CAAP1: variants seen among roughly 807,000 people sequenced by gnomAD.
CAAP1 encodes the protein caspase activity and apoptosis inhibitor 1.
Under a neutral mutation model 34.0 loss-of-function variants are expected in CAAP1, and 20 were observed. That is an observed-to-expected ratio of 0.59 (90% CI 0.41 to 0.86). CAAP1 has a LOEUF of 0.86. Ranked by LOEUF, CAAP1 falls within the 40% of genes least tolerant of loss-of-function variation. CAAP1 has a pLI of 0.00. For missense variants in CAAP1, 538 were observed against 450.5 expected, an observed-to-expected ratio of 1.19 and a Z score of -1.76; for synonymous variants, 213 against 166.7, an observed-to-expected ratio of 1.28 and a Z score of -2.14.
At chr9:26,868,014 A>T (rs930679299) in intron 4 of CAAP1, among the ~76,000 whole-genome samples, 2 of 152,044 alleles carry the variant, frequency 1.3e-5, no homozygotes, top group Non-Finnish European at 2.9e-5. Context: ...AAAGGTTTTT[A>T]TCTTTATTTT....
intron 4 of CAAP1, among the ~76,000 whole-genome samples, chr9:26,875,970 T>G (rs1823419097): frequency 6.6e-6 from 1 of 152,226 alleles, no homozygotes; most frequent in Non-Finnish European, 1.5e-5. Flanking sequence ...TTATTAGTTT[T>G]CTATTGCCAC....
chr9:26,886,200 G>C lies in CAAP1; in HGVS notation c.505-12C>G, dbSNP rs181971826. On this transcript the variant is annotated splice_polypyrimidine_tract_variant and intron_variant, in intron 2 of 5. Transcript: ENST00000333916. ...TCTATTGAACAGTTCTAAAGGAAAT[G>C]ACATTTTAAAAAAATGCATTTATGT... 2.2e-6 allele frequency: 3 copies of C among 1,380,278 alleles called. No individual in the cohort carries two copies. Among genetic ancestry groups the C allele is most frequent in the Non-Finnish European group, 2.9e-6 (3 of 1,043,794 alleles). The allele number at this position is 1,380,278 out of a possible 1,614,324, so 85.5% of individuals were successfully genotyped here.
chr9:26,842,671 T>C (rs1251676869), intron 5 of CAAP1, 24 bp from the exon 6 acceptor site: 3 of 1,548,840 alleles, frequency 1.9e-6, no homozygotes, highest in East Asian at 2.2e-5. Flanking sequence ...AGGAGAAAGA[T>C]CCATGTAACC....
At chr9:26,846,415 C>CAAAAAAAAAAAAAAAAAAAAAAA (rs761402354) in intron 5 of CAAP1, among the ~76,000 whole-genome samples, 3 of 61,738 alleles carry the variant, frequency 4.9e-5, no homozygotes, top group African/African-American at 5.7e-5. Flanking sequence ...GACTCTGTCT[C>CAAAAAAAAAAAAAAAAAAAAAAA]AAAAAAAAAA....
intron 4 of CAAP1, chr9:26,880,094 CGG>C (rs3063606): frequency 0.68 from 101,201 of 149,214 alleles, 34,200 homozygotes; most frequent in Non-Finnish European, 0.73. Context: ...GAAAAAAATC[CGG>C]GGGGGGGGGG....
rs116350336 is a variant in CAAP1, at chr9:26,866,486, T to G, written c.666-5347A>C. ...GGCAAAAGGACAGACTTACTCTCAC[T>G]ATATCCTTTTAAAATCTTTGTATTA... On this transcript the variant is annotated intron_variant, in intron 4 of 5. Coordinates refer to ENST00000333916, the MANE Select transcript of CAAP1 (RefSeq NM_024828.4). Among the ~76,000 whole-genome samples the G allele has an allele frequency of 2.2e-3, 342 of 152,338 alleles. 1 individual carries two copies. Among genetic ancestry groups the G allele is most frequent in the African/African-American group, 7.9e-3 (328 of 41,578 alleles).
intron 2 of CAAP1, among the ~76,000 whole-genome samples, 191 bp downstream of exon 2, chr9:26,887,122 G>A (rs988818018): frequency 6.6e-6 from 1 of 152,160 alleles, no homozygotes; most frequent in Non-Finnish European, 1.5e-5. Context: ...TGAGGCAAGA[G>A]AATTGCTTGA....
chr9:26,882,806 C>T (rs988079484), intron 4 of CAAP1, among the ~76,000 whole-genome samples: 5 of 152,166 alleles, frequency 3.3e-5, no homozygotes, highest in Non-Finnish European at 7.3e-5. Flanking sequence ...CGGGGCTTTC[C>T]AAGACCATGG....
chr9:26,873,082 G>T (rs955390295), intron 4 of CAAP1, among the ~76,000 whole-genome samples: 1 of 152,072 alleles, frequency 6.6e-6, no homozygotes, highest in African/African-American at 2.4e-5. Flanking sequence ...GCAACACATG[G>T]TCTCTACAAA....
intron 5 of CAAP1, among the ~76,000 whole-genome samples, chr9:26,858,560 C>T (rs537999391): frequency 3.9e-5 from 6 of 152,270 alleles, no homozygotes; most frequent in East Asian, 3.9e-4. Flanking sequence ...CGGTGGCTCA[C>T]GCCTGTAATC....
rs536092407 is a variant in CAAP1, at chr9:26,848,643, C to G, written c.740-5996G>C. 2.7e-4 allele frequency among the ~76,000 whole-genome samples: 41 copies of G among 152,354 alleles called. 1 individual carries two copies. Among genetic ancestry groups the G allele is most frequent in the Admixed American group, 7.2e-4 (11 of 15,304 alleles). ...ATCTAATTTAGAGAATCCCACAGCT[C>G]TCACGCACTGAGGTTTGTTATAGAT... On this transcript the variant is annotated intron_variant, in intron 5 of 5. Transcript: ENST00000333916.
At chr9:26,854,026 A>C (rs895095523) in intron 5 of CAAP1, among the ~76,000 whole-genome samples, 6 of 152,206 alleles carry the variant, frequency 3.9e-5, no homozygotes, top group African/African-American at 7.2e-5. Context: ...CAAAGGGCAC[A>C]GAGAAACCAA....
At chr9:26,886,278 C>T (rs1375582319) in intron 2 of CAAP1, 90 bp from the exon 3 acceptor site, 3 of 503,560 alleles carry the variant, frequency 6.0e-6, no homozygotes, top group Non-Finnish European at 1.0e-5. Context: ...TTTAAGTTAG[C>T]AAAATCTTAC....
chr9:26,850,579 T>A (rs1587090865), intron 5 of CAAP1, among the ~76,000 whole-genome samples: 1 of 152,218 alleles, frequency 6.6e-6, no homozygotes, highest in Non-Finnish European at 1.5e-5. Flanking sequence ...ACTGGAATGA[T>A]GAAAATTAAG....
At position 26,870,587 on chromosome 9, in the gene CAAP1, CGTGTGTGT is replaced by C. The variant is rs10598264; in HGVS notation, c.666-9456_666-9449del. ...ACACGTATAAATACACACATATATA[CGTGTGTGT>C]GTGTGTGTGTGTGTGTATACATATA... On this transcript the variant is annotated intron_variant, in intron 4 of 5. Transcript: ENST00000333916. 1.3e-4 allele frequency among the ~76,000 whole-genome samples: 17 copies of C among 135,306 alleles called. 1 individual carries two copies. The South Asian group carries it at 2.8e-3, about 22-fold the overall frequency. 88.8% of individuals were successfully genotyped at this position (135,306 alleles called of 152,430 possible).
intron 3 of CAAP1, among the ~76,000 whole-genome samples, chr9:26,885,783 TAA>T (rs754911527): frequency 2.0e-5 from 3 of 152,136 alleles, no homozygotes; most frequent in Admixed American, 6.5e-5. Context: ...AGCAGAAAAT[TAA>T]AAAGATTTTA....
chr9:26,859,894 C>G (rs1051341434), intron 5 of CAAP1, among the ~76,000 whole-genome samples: 1 of 152,162 alleles, frequency 6.6e-6, no homozygotes, highest in Non-Finnish European at 1.5e-5. Flanking sequence ...CTAGATTTTG[C>G]TCTCTCTACA....
intron 4 of CAAP1, among the ~76,000 whole-genome samples, chr9:26,884,006 G>A (rs960984365): frequency 2.6e-5 from 4 of 152,098 alleles, no homozygotes; most frequent in African/African-American, 9.7e-5. Context: ...ACTTCTCTAT[G>A]CTACTGCCCC....
At chr9:26,871,624 A>C (rs1823277201) in intron 4 of CAAP1, among the ~76,000 whole-genome samples, 1 of 150,426 alleles carries the variant, frequency 6.6e-6, no homozygotes, top group Non-Finnish European at 1.5e-5. Context: ...ATAATAGCTC[A>C]GCAGAAAAAG....
Sources: allele counts gnomAD v4.1 joint callset (sites outside exome capture counted in the v4.1 genomes callset), GRCh38; gene constraint gnomAD v4.1.1; transcripts MANE v1.5; gene names NCBI Gene and HGNC (gene_info 2026-07-23, HGNC 2026-07-21).